Variants in GRID2 observed in about 807,000 individuals in gnomAD.
GRID2 encodes the protein glutamate ionotropic receptor delta type subunit 2.
GRID2 carries 33 observed loss-of-function variants against 114.8 expected under a neutral mutation model. The observed-to-expected ratio is 0.29, with a 90% CI of 0.22 to 0.38. GRID2 has a LOEUF of 0.38. Among genes scored for constraint, GRID2 ranks in the 10% least tolerant of loss-of-function variants. The probability of loss-of-function intolerance (pLI) is 1.00; values close to 1 mark genes in which losing one functional copy is unlikely to be tolerated. For missense variants in GRID2, 1,184 were observed against 1,257.7 expected, an observed-to-expected ratio of 0.94 and a Z score of 0.89; for synonymous variants, 505 against 449.9, an observed-to-expected ratio of 1.12 and a Z score of -1.55.
chr4:92,830,503 A>T (rs1007871267), intron 2 of GRID2, among the ~76,000 whole-genome samples: 4 of 152,092 alleles, frequency 2.6e-5, no homozygotes, highest in Non-Finnish European at 5.9e-5. Flanking sequence ...TTTTTATTTT[A>T]TCATGAATAA....
At chr4:93,171,886 G>A (rs1377249443) in intron 4 of GRID2, among the ~76,000 whole-genome samples, 1 of 152,174 alleles carries the variant, frequency 6.6e-6, no homozygotes, top group Non-Finnish European at 1.5e-5. Context: ...AGCTTCATAT[G>A]ACCAGAGGTG....
intron 2 of GRID2, among the ~76,000 whole-genome samples, chr4:93,009,446 A>G (rs1029288339): frequency 2.0e-5 from 3 of 152,168 alleles, no homozygotes; most frequent in African/African-American, 4.8e-5. Context: ...GTAATAAAAC[A>G]TACAAAGCCA....
chr4:92,724,799 A>C (rs1735987824), intron 2 of GRID2, among the ~76,000 whole-genome samples: 1 of 152,198 alleles, frequency 6.6e-6, no homozygotes, highest in South Asian at 2.1e-4. Flanking sequence ...AGAGTAATTA[A>C]AACAATAAGT....
chr4:93,407,871 C>T (rs1766689049), intron 9 of GRID2, among the ~76,000 whole-genome samples: 1 of 150,318 alleles, frequency 6.7e-6, no homozygotes. Context: ...CCTTCTCCTC[C>T]TTCTTCTTCA....
At chr4:93,256,086 C>A (rs1451238537) in intron 8 of GRID2, among the ~76,000 whole-genome samples, 1 of 152,182 alleles carries the variant, frequency 6.6e-6, no homozygotes, top group Admixed American at 6.6e-5. Flanking sequence ...TTTGGCTACA[C>A]TTCTTCCTAT....
chr4:93,061,196 G>GTT (rs752045329), intron 2 of GRID2, among the ~76,000 whole-genome samples: 1,719 of 112,720 alleles, frequency 0.015, 111 homozygotes, highest in Admixed American at 0.071. Flanking sequence ...GGTTTTTCTT[G>GTT]TTTTTTTTTT....
intron 11 of GRID2, among the ~76,000 whole-genome samples, chr4:93,487,266 C>T (rs1329260592): frequency 6.6e-6 from 1 of 151,692 alleles, no homozygotes; most frequent in Non-Finnish European, 1.5e-5. Flanking sequence ...CTTTTAATTG[C>T]ATTTCTTATC....
chr4:92,769,207 G>C (rs899442067), intron 2 of GRID2, among the ~76,000 whole-genome samples: 2 of 152,204 alleles, frequency 1.3e-5, no homozygotes, highest in Non-Finnish European at 2.9e-5. Flanking sequence ...CCGAAACCCA[G>C]TGGGGCAATC....
At chr4:92,413,274 T>A (rs911092894) in intron 1 of GRID2, among the ~76,000 whole-genome samples, 1 of 152,198 alleles carries the variant, frequency 6.6e-6, no homozygotes, top group Non-Finnish European at 1.5e-5. Flanking sequence ...TATATTTTCA[T>A]TGATTGTATA....
In GRID2 at chr4:92,723,668, G is replaced by A. The variant is rs1344135154; in HGVS notation, c.244+133382G>A. 1.3e-5 allele frequency among the ~76,000 whole-genome samples: 2 copies of A among 152,110 alleles called. 1 individual carries two copies. Among genetic ancestry groups the A allele is most frequent in the Non-Finnish European group, 2.9e-5 (2 of 68,004 alleles). On this transcript the variant is annotated intron_variant, in intron 2 of 15. Transcript: ENST00000282020. ...AATTGCTGTTTCTTGCAGAATTACAGTCTATTATGATAAAATTGTTCATAT... is the reference window on the plus strand; with the variant it reads ...AATTGCTGTTTCTTGCAGAATTACAATCTATTATGATAAAATTGTTCATAT...
chr4:93,067,346 AT>A (rs752697926), intron 2 of GRID2, among the ~76,000 whole-genome samples: 15 of 152,054 alleles, frequency 9.9e-5, no homozygotes, highest in Admixed American at 2.6e-4. Context: ...AACAAAAGAA[AT>A]GTACCTCTCA....
intron 1 of GRID2, among the ~76,000 whole-genome samples, chr4:92,393,523 G>A (rs1433140708): frequency 6.6e-6 from 1 of 152,054 alleles, no homozygotes; most frequent in Non-Finnish European, 1.5e-5. Flanking sequence ...ATCTAGAATA[G>A]TCTTATATGT....
chr4:93,182,123 T>G (rs1237794208), intron 4 of GRID2, among the ~76,000 whole-genome samples: 2 of 152,198 alleles, frequency 1.3e-5, no homozygotes, highest in Non-Finnish European at 2.9e-5. Context: ...AAAAATTACA[T>G]TTTTAGTGTT....
chr4:93,361,608 T>G (rs1478992750), intron 8 of GRID2, among the ~76,000 whole-genome samples: 1 of 152,026 alleles, frequency 6.6e-6, no homozygotes, highest in Non-Finnish European at 1.5e-5. Context: ...GTATTAATCA[T>G]GATTCTTTAA....
At chr4:93,467,405 A>G (rs945231106) in intron 11 of GRID2, among the ~76,000 whole-genome samples, 2 of 152,190 alleles carry the variant, frequency 1.3e-5, no homozygotes, top group African/African-American at 4.8e-5. Context: ...AGAAGTCTGT[A>G]TTTTATATAA....
intron 1 of GRID2, among the ~76,000 whole-genome samples, chr4:92,364,007 A>G (rs903981333): frequency 4.6e-5 from 7 of 151,758 alleles, no homozygotes; most frequent in Non-Finnish European, 1.0e-4. Context: ...TTTAGTAGAG[A>G]TGGGGATTTC....
At chr4:93,194,597 C>A (rs954216706) in intron 4 of GRID2, among the ~76,000 whole-genome samples, 4 of 152,126 alleles carry the variant, frequency 2.6e-5, no homozygotes, top group African/African-American at 9.7e-5. Flanking sequence ...TAGAACAGGA[C>A]AAACTCTGTC....
chr4:92,304,442 CGGCTTTGCGAAGGA>C lies in GRID2; in HGVS notation c.-212_-199del. On this transcript the variant is annotated 5_prime_UTR_variant, in exon 1 of 16. Transcript: ENST00000282020. ...TGCCAAAATTCCCCTCCAAGTGACA[CGGCTTTGCGAAGGA>C]GGTTTCCTCAGGCTGGGCTCTTTCT... The C allele has an allele frequency of 5.1e-6, 3 of 593,650 alleles. No individual in the cohort carries two copies. The highest frequency in any genetic ancestry group is 8.9e-6 in the Non-Finnish European group (3 of 336,416). 36.8% of individuals were successfully genotyped at this position (593,650 alleles called of 1,614,324 possible).
intron 2 of GRID2, among the ~76,000 whole-genome samples, chr4:92,620,132 G>C (rs946508554): frequency 2.6e-5 from 4 of 151,734 alleles, no homozygotes; most frequent in African/African-American, 9.7e-5. Flanking sequence ...ACTGGCATGG[G>C]AGATTGAAAT....
Sources: allele counts gnomAD v4.1 joint callset (sites outside exome capture counted in the v4.1 genomes callset), GRCh38; gene constraint gnomAD v4.1.1; transcripts MANE v1.5; gene names NCBI Gene and HGNC (gene_info 2026-07-23, HGNC 2026-07-21).